CEP128: variants seen among roughly 807,000 people sequenced by gnomAD.
CEP128 encodes centrosomal protein 128, also known as centrosomal protein 128kDa.
In CEP128, 132 loss-of-function variants were observed where a neutral mutation model predicts 156.7. The observed-to-expected ratio is 0.84, with a 90% CI of 0.73 to 0.97. The LOEUF is 0.97. CEP128 is among the 50% of genes least tolerant of loss of function. CEP128 has a pLI of 0.00. For missense variants in CEP128, 1,252 were observed against 1,281.9 expected (o/e 0.98, Z 0.36); for synonymous variants, 469 against 448.9 (o/e 1.04, Z -0.57).
intron 2 of CEP128, among the ~76,000 whole-genome samples, chr14:80,946,792 C>T (rs1392946131): frequency 6.6e-6 from 1 of 152,162 alleles, no homozygotes; most frequent in Non-Finnish European, 1.5e-5. Context: ...ACAACAACAG[C>T]TGATATGGCT....
At chr14:80,763,724 T>A (rs940767257) in intron 16 of CEP128, among the ~76,000 whole-genome samples, 24 of 152,194 alleles carry the variant, frequency 1.6e-4, no homozygotes, top group African/African-American at 4.8e-4. Context: ...AAAACAAGTT[T>A]ATTATCATCT....
chr14:80,957,845 T>A (rs1268160366), intron 2 of CEP128: 1 of 152,202 alleles, frequency 6.6e-6, no homozygotes, highest in Non-Finnish European at 1.5e-5. Flanking sequence ...TTCTAGGTGA[T>A]GACATGATGC....
intron 15 of CEP128, among the ~76,000 whole-genome samples, chr14:80,778,548 T>C (rs1900926668): frequency 2.0e-5 from 3 of 152,188 alleles, no homozygotes; most frequent in Non-Finnish European, 2.9e-5. Context: ...GGTGTACTTT[T>C]TATGTAAGTC....
chr14:80,841,129 C>T (rs1886330524), intron 9 of CEP128, among the ~76,000 whole-genome samples: 1 of 152,038 alleles, frequency 6.6e-6, no homozygotes, highest in Non-Finnish European at 1.5e-5. Context: ...CAAAAGTTAA[C>T]TATAAAAGTG....
intron 19 of CEP128, among the ~76,000 whole-genome samples, chr14:80,690,464 G>A (rs1896683205): frequency 6.6e-6 from 1 of 150,598 alleles, no homozygotes; most frequent in Non-Finnish European, 1.5e-5. Context: ...GGAATTTGAT[G>A]TTAAGTGTAA....
At chr14:80,948,007 C>A (rs17615911) in intron 2 of CEP128, among the ~76,000 whole-genome samples, 1 of 152,056 alleles carries the variant, frequency 6.6e-6, no homozygotes, top group East Asian at 1.9e-4. Context: ...TCAAGCTCCC[C>A]TATAGTATCA....
At chr14:80,554,613 G>T (rs1014219681) in intron 21 of CEP128, among the ~76,000 whole-genome samples, 7 of 150,838 alleles carry the variant, frequency 4.6e-5, no homozygotes, top group Non-Finnish European at 1.0e-4. Context: ...CTAGGAATTT[G>T]TTTATTTCTT....
intron 6 of CEP128, among the ~76,000 whole-genome samples, chr14:80,901,721 C>G (rs949803479): frequency 6.6e-6 from 1 of 152,188 alleles, no homozygotes; most frequent in African/African-American, 2.4e-5. Flanking sequence ...ATCTAATTTT[C>G]AAGACCTTTC....
intron 21 of CEP128, among the ~76,000 whole-genome samples, chr14:80,549,640 C>A (rs1482276738): frequency 3.9e-5 from 6 of 152,120 alleles, no homozygotes; most frequent in Admixed American, 3.9e-4. Flanking sequence ...GTTATTTGGC[C>A]AGATTTACAT....
intron 8 of CEP128, among the ~76,000 whole-genome samples, 185 bp from the exon 9 acceptor site, chr14:80,863,058 A>G (rs1887596476): frequency 6.6e-6 from 1 of 152,182 alleles, no homozygotes; most frequent in Non-Finnish European, 1.5e-5. Flanking sequence ...AAAGTTACAA[A>G]AGAAAGTCAT....
intron 19 of CEP128, among the ~76,000 whole-genome samples, chr14:80,659,777 T>C (rs1200367628): frequency 6.6e-6 from 1 of 152,154 alleles, no homozygotes; most frequent in African/African-American, 2.4e-5. Context: ...TTTAAGAATT[T>C]CTGTAAAACA....
intron 13 of CEP128, among the ~76,000 whole-genome samples, chr14:80,811,001 CTTG>C (rs1286625492): frequency 2.6e-5 from 4 of 152,110 alleles, no homozygotes; most frequent in Non-Finnish European, 5.9e-5. Context: ...ATGTGTTCTC[CTTG>C]TTTAGTTCCC....
chr14:80,909,263 T>C (rs1884068406), intron 4 of CEP128, among the ~76,000 whole-genome samples: 1 of 152,050 alleles, frequency 6.6e-6, no homozygotes, highest in Admixed American at 6.6e-5. Flanking sequence ...TCTGAAATAA[T>C]CTTACCTACC....
At chr14:80,671,819 A>G (rs1327913035) in intron 19 of CEP128, among the ~76,000 whole-genome samples, 1 of 111,180 alleles carries the variant, frequency 9.0e-6, no homozygotes, top group East Asian at 3.2e-4. Flanking sequence ...TCCTTATTGT[A>G]TTGTCTATAT....
At chr14:80,799,513 C>G (rs1883703723) in intron 13 of CEP128, among the ~76,000 whole-genome samples, 1 of 152,124 alleles carries the variant, frequency 6.6e-6, no homozygotes, top group South Asian at 2.1e-4. Context: ...TGACTGCCTG[C>G]AGGGTTGGGC....
intron 19 of CEP128, among the ~76,000 whole-genome samples, chr14:80,700,103 C>T (rs1269257079): frequency 6.6e-6 from 1 of 152,104 alleles, no homozygotes; most frequent in East Asian, 1.9e-4. Context: ...CTTTATCATT[C>T]AATACTATAA....
At chr14:80,747,049 C>A (rs1899137906) in intron 18 of CEP128, among the ~76,000 whole-genome samples, 1 of 152,156 alleles carries the variant, frequency 6.6e-6, no homozygotes, top group African/African-American at 2.4e-5. Flanking sequence ...TCACACCCAG[C>A]AGGGTAGCTA....
chr14:80,852,187 G>A (rs553328477), intron 9 of CEP128, among the ~76,000 whole-genome samples: 4 of 151,828 alleles, frequency 2.6e-5, no homozygotes, highest in Admixed American at 6.6e-5. Flanking sequence ...ACAAAAAATT[G>A]GTCATAGAAT....
chr14:80,889,806 C>T (rs1455336845), intron 8 of CEP128, among the ~76,000 whole-genome samples: 5 of 152,110 alleles, frequency 3.3e-5, no homozygotes, highest in African/African-American at 1.2e-4. Flanking sequence ...AGCTTCTGCA[C>T]AGTAAAAGAA....
Sources: allele counts gnomAD v4.1 joint callset (sites outside exome capture counted in the v4.1 genomes callset), GRCh38; gene constraint gnomAD v4.1.1; transcripts MANE v1.5; gene names NCBI Gene and HGNC (gene_info 2026-07-23, HGNC 2026-07-21).